The following MDGA2 variants were observed in gnomAD, a reference collection of about 807,000 sequenced individuals.
MDGA2 encodes MAM domain-containing glycosylphosphatidylinositol anchor protein 2.
In MDGA2, 40 loss-of-function variants were observed where a neutral mutation model predicts 117.8. The observed-to-expected ratio is 0.34, with a 90% confidence interval of 0.26 to 0.44. The LOEUF (loss-of-function observed/expected upper bound fraction) is 0.44, where lower values mean the gene tolerates loss of function less well. Among genes scored for constraint, MDGA2 ranks in the 20% least tolerant of loss-of-function variants. MDGA2 has a pLI of 1.00. For missense variants in MDGA2, 1,123 were observed against 1,250.6 expected (o/e 0.90, Z 1.54); for synonymous variants, 452 against 439.0 (o/e 1.03, Z -0.37).
At chr14:47,601,791 C>G (rs1030925433) in intron 1 of MDGA2, among the ~76,000 whole-genome samples, 2 of 152,104 alleles carry the variant, frequency 1.3e-5, no homozygotes, top group Non-Finnish European at 2.9e-5. Context: ...GATCTGTTAG[C>G]CCAGTGCATA....
At chr14:46,856,166 A>C (rs1881260828) in intron 14 of MDGA2, among the ~76,000 whole-genome samples, 1 of 152,112 alleles carries the variant, frequency 6.6e-6, no homozygotes, top group East Asian at 1.9e-4. Flanking sequence ...CAGTAAGAAA[A>C]TAGCACAAGC....
chr14:47,165,267 AG>A (rs1883823404), intron 3 of MDGA2, among the ~76,000 whole-genome samples: 1 of 152,204 alleles, frequency 6.6e-6, no homozygotes, highest in Non-Finnish European at 1.5e-5. Flanking sequence ...ATACAAAAAA[AG>A]AACAGTCCCA....
At chr14:47,128,951 A>C (rs1882046217) in intron 5 of MDGA2, among the ~76,000 whole-genome samples, 1 of 152,122 alleles carries the variant, frequency 6.6e-6, no homozygotes, top group Non-Finnish European at 1.5e-5. Flanking sequence ...GGCCTCCCAA[A>C]GTGCTGGGAT....
chr14:47,363,863 T>G (rs1448423103), intron 1 of MDGA2, among the ~76,000 whole-genome samples: 8 of 152,166 alleles, frequency 5.3e-5, no homozygotes, highest in African/African-American at 1.9e-4. Context: ...AGATAGCATC[T>G]AATTTACTGT....
In MDGA2 at chr14:46,911,615, A is replaced by T. The variant is rs140344179; in HGVS notation, c.2238+8397T>A. On this transcript the variant is annotated intron_variant, in intron 10 of 16. Coordinates refer to ENST00000399232, the MANE Select transcript of MDGA2 (RefSeq NM_001113498.3). ...TCATTAAAATTATAAGAAGCAATTG[A>T]GAATGATGATTGATTCAAAATCAAC... Among the ~76,000 whole-genome samples the T allele has an allele frequency of 8.1e-3, 1,229 of 152,330 alleles. 15 individuals are homozygous for T. Among genetic ancestry groups the T allele is most frequent in the African/African-American group, 0.027 (1,121 of 41,572 alleles).
At chr14:46,943,922 C>T (rs954725936) in intron 9 of MDGA2, among the ~76,000 whole-genome samples, 2 of 152,000 alleles carry the variant, frequency 1.3e-5, no homozygotes, top group African/African-American at 4.8e-5. Flanking sequence ...AGGTGTGTTC[C>T]AATTAAACTT....
At chr14:47,532,227 G>A (rs1006163280) in intron 1 of MDGA2, among the ~76,000 whole-genome samples, 5 of 152,168 alleles carry the variant, frequency 3.3e-5, no homozygotes, top group Non-Finnish European at 5.9e-5. Flanking sequence ...AGTCAATTAC[G>A]ATTGCAGTCA....
Position 47,298,090 on chromosome 14 carries a change from G to C in MDGA2, c.420+3321C>G, listed in dbSNP as rs1449301702. On this transcript the variant is annotated intron_variant, in intron 2 of 16. Coordinates refer to ENST00000399232, the MANE Select transcript of MDGA2 (RefSeq NM_001113498.3). ...AATTTAACTCTCAAAAGGATTCTAT[G>C]ATATAAGATAGTTATTATCATCCCT... 2.6e-5 allele frequency among the ~76,000 whole-genome samples: 4 copies of C among 152,068 alleles called. No individual in the cohort carries two copies. The East Asian group carries it at 5.8e-4, about 22-fold the overall frequency.
At chr14:47,234,208 T>C (rs1395635161) in intron 2 of MDGA2, among the ~76,000 whole-genome samples, 1 of 150,670 alleles carries the variant, frequency 6.6e-6, no homozygotes, top group Non-Finnish European at 1.5e-5. Context: ...AATACTTATA[T>C]CATTAAATTA....
At chr14:47,170,608 T>G (rs926453823) in intron 3 of MDGA2, among the ~76,000 whole-genome samples, 5 of 152,188 alleles carry the variant, frequency 3.3e-5, no homozygotes, top group African/African-American at 1.2e-4. Context: ...TGAGCCACTA[T>G]GAACATTTTG....
intron 1 of MDGA2, chr14:47,342,979 C>T (rs1477762036): frequency 2.1e-6 from 2 of 938,630 alleles, no homozygotes; most frequent in Admixed American, 2.3e-5. Context: ...GGAAAGGCAG[C>T]TTTGCCTGGC....
At chr14:47,515,871 A>G (rs559515280) in intron 1 of MDGA2, among the ~76,000 whole-genome samples, 1 of 152,208 alleles carries the variant, frequency 6.6e-6, no homozygotes, top group Non-Finnish European at 1.5e-5. Flanking sequence ...CTCATCTGCA[A>G]ATAGTACAGA....
At chr14:47,420,108 T>C (rs1037122408) in intron 1 of MDGA2, among the ~76,000 whole-genome samples, 1 of 152,178 alleles carries the variant, frequency 6.6e-6, no homozygotes, top group Non-Finnish European at 1.5e-5. Context: ...CATGCATGCA[T>C]ACATATATAC....
chr14:47,322,737 T>C (rs1195067994), intron 1 of MDGA2, among the ~76,000 whole-genome samples: 1 of 152,230 alleles, frequency 6.6e-6, no homozygotes, highest in African/African-American at 2.4e-5. Context: ...CTAGCTTCTA[T>C]GAAGAGTAGC....
intron 1 of MDGA2, among the ~76,000 whole-genome samples, chr14:47,652,376 G>C (rs904762995): frequency 5.3e-5 from 8 of 152,048 alleles, no homozygotes; most frequent in Admixed American, 1.3e-4. Flanking sequence ...TATTCACAGA[G>C]AAATCGGAAC....
At chr14:47,275,790 C>T (rs916038096) in intron 2 of MDGA2, among the ~76,000 whole-genome samples, 6 of 152,000 alleles carry the variant, frequency 3.9e-5, no homozygotes, top group East Asian at 1.9e-4. Flanking sequence ...GAGAAGCGCC[C>T]GATCATCTTA....
chr14:47,338,261 ATGT>A (rs1890519169), intron 1 of MDGA2, among the ~76,000 whole-genome samples: 1 of 151,898 alleles, frequency 6.6e-6, no homozygotes, highest in Non-Finnish European at 1.5e-5. Context: ...CAGCTTGTGC[ATGT>A]TTATGGAAAT....
Position 47,067,421 on chromosome 14 carries a change from C to T in MDGA2, c.1196-5843G>A, listed in dbSNP as rs191319452. ...GTAGGCATTTCCCTTATGAGCATCA[C>T]GAAATAATCAGCAAGGTGTGACTCT... is the stretch of plus-strand genomic sequence containing the variant. On this transcript the variant is annotated intron_variant, in intron 6 of 16. Transcript: ENST00000399232. Among the ~76,000 whole-genome samples, 576 of 152,008 alleles carry T rather than the reference C, an allele frequency of 3.8e-3. 4 individuals are homozygous for T. The highest frequency in any genetic ancestry group is 5.0e-3 in the Admixed American group (77 of 15,268).
At chr14:46,861,363 C>T (rs1365143388) in intron 14 of MDGA2, among the ~76,000 whole-genome samples, 1 of 151,782 alleles carries the variant, frequency 6.6e-6, no homozygotes, top group Non-Finnish European at 1.5e-5. Flanking sequence ...TATTGTTTCT[C>T]ACTAAGGGAA....
Sources: gnomAD v4.1 joint callset for allele counts (sites outside exome capture counted in the v4.1 genomes callset) on GRCh38, gnomAD v4.1.1 for gene constraint, MANE v1.5 for transcripts, NCBI Gene and HGNC (gene_info 2026-07-23, HGNC 2026-07-21) for gene names.